Variants in NAV2 observed in about 807,000 individuals in gnomAD.
The protein encoded by NAV2 is helicase, APC down-regulated 1.
NAV2 carries 54 observed loss-of-function variants against 223.2 expected under a neutral mutation model. The observed-to-expected ratio is 0.24, with a 90% CI of 0.19 to 0.30. NAV2 has a LOEUF of 0.30. Ranked by LOEUF, NAV2 falls within the 10% of genes least tolerant of loss-of-function variation. NAV2 has a pLI of 1.00. For missense variants in NAV2, 2,806 were observed against 3,147.5 expected (o/e 0.89, Z 2.60); for synonymous variants, 1,279 against 1,239.3 (o/e 1.03, Z -0.67).
chr11:20,028,843 T>A lies in NAV2; in HGVS notation c.2769-7116T>A, dbSNP rs1476604785. 2.6e-5 allele frequency among the ~76,000 whole-genome samples: 4 copies of A among 152,196 alleles called. No homozygotes were observed. In the East Asian group the frequency reaches 7.7e-4, roughly 29 times the overall value. On this transcript the variant is annotated intron_variant, in intron 11 of 37. Transcript: ENST00000349880. ...CTTTGGATAAATAGCATGGTCTGGT[T>A]CAGACACTCTATTGTGAGTTGAGTT...
chr11:19,388,164 G>A (rs1157138659), intron 1 of NAV2, among the ~76,000 whole-genome samples: 2 of 152,176 alleles, frequency 1.3e-5, no homozygotes, highest in South Asian at 2.1e-4. Flanking sequence ...CGGGGTCAAG[G>A]GATTTTAGAA....
At chr11:19,953,618 C>T (rs796605411) in intron 10 of NAV2, among the ~76,000 whole-genome samples, 5 of 152,344 alleles carry the variant, frequency 3.3e-5, no homozygotes, top group East Asian at 1.9e-4. Context: ...TCACGTGTTT[C>T]TGGTAGTCTT....
chr11:19,588,162 C>T (rs144858059), intron 1 of NAV2, among the ~76,000 whole-genome samples: 4 of 152,326 alleles, frequency 2.6e-5, no homozygotes, highest in South Asian at 2.1e-4. Flanking sequence ...TCAACTATTT[C>T]GGGCCAGTTC....
At chr11:19,986,267 G>A (rs1340062275) in intron 11 of NAV2, among the ~76,000 whole-genome samples, 1 of 152,144 alleles carries the variant, frequency 6.6e-6, no homozygotes, top group Non-Finnish European at 1.5e-5. Context: ...TAAACCAAAT[G>A]GACAACAATG....
chr11:19,736,867 C>T (rs2052352731), intron 1 of NAV2, among the ~76,000 whole-genome samples: 1 of 152,236 alleles, frequency 6.6e-6, no homozygotes, highest in African/African-American at 2.4e-5. Context: ...ACAACCACCT[C>T]CCCTAGGTTA....
chr11:19,857,982 A>G (rs1330650693), intron 3 of NAV2, among the ~76,000 whole-genome samples: 1 of 152,040 alleles, frequency 6.6e-6, no homozygotes, highest in African/African-American at 2.4e-5. Context: ...TCAGCCTCCC[A>G]AGTCGCTGGG....
chr11:20,036,299 C>T (rs868268135), intron 12 of NAV2, among the ~76,000 whole-genome samples: 3 of 152,190 alleles, frequency 2.0e-5, no homozygotes, highest in Non-Finnish European at 2.9e-5. Context: ...ATGGTGGACA[C>T]GGGAGTAGGG....
intron 1 of NAV2, among the ~76,000 whole-genome samples, chr11:19,638,048 T>C (rs2047554435): frequency 6.6e-6 from 1 of 152,236 alleles, no homozygotes; most frequent in Non-Finnish European, 1.5e-5. Flanking sequence ...GAGGTATATA[T>C]TGATACGTCA....
At chr11:20,109,040 A>G (rs927375071) in intron 36 of NAV2, among the ~76,000 whole-genome samples, 2 of 152,174 alleles carry the variant, frequency 1.3e-5, no homozygotes, top group Admixed American at 6.5e-5. Flanking sequence ...ACTGGTGTGC[A>G]CCCACAGGCA....
chr11:20,044,453 G>A (rs1248439507), intron 13 of NAV2, among the ~76,000 whole-genome samples, 181 bp downstream of exon 13: 1 of 152,230 alleles, frequency 6.6e-6, no homozygotes, highest in Non-Finnish European at 1.5e-5. Flanking sequence ...AAGCATGGGA[G>A]CCTCTTAAGC....
chr11:19,591,127 C>T (rs1319549506), intron 1 of NAV2: 1 of 152,234 alleles, frequency 6.6e-6, no homozygotes, highest in East Asian at 1.9e-4. Context: ...GGTTGTGTTG[C>T]ATCCCATTTT....
chr11:19,839,900 C>T lies in NAV2; in HGVS notation c.386-2971C>T, dbSNP rs1026540928. Among the ~76,000 whole-genome samples the T allele has an allele frequency of 3.9e-5, 6 of 152,176 alleles. No individual in the cohort carries two copies. The South Asian group carries it at 8.3e-4, about 21-fold the overall frequency. ...TGCCAGTTTTAATCACAGATGAGGACTTTGGGGATAAGTGCCTTTGTTTCT... is the reference window on the plus strand; with the variant it reads ...TGCCAGTTTTAATCACAGATGAGGATTTTGGGGATAAGTGCCTTTGTTTCT... On this transcript the variant is annotated intron_variant, in intron 2 of 37. Coordinates refer to ENST00000349880, the MANE Select transcript of NAV2 (RefSeq NM_145117.5).
At chr11:19,709,057 G>A (rs1343605526), upstream of NAV2, among the ~76,000 whole-genome samples, 2 of 152,048 alleles carry the variant, frequency 1.3e-5, no homozygotes, top group African/African-American at 4.8e-5. Flanking sequence ...TGTTAACACA[G>A]TATCAGTGTG....
intron 1 of NAV2, among the ~76,000 whole-genome samples, chr11:19,399,396 C>T (rs1849594100): frequency 6.6e-6 from 1 of 152,214 alleles, no homozygotes; most frequent in Non-Finnish European, 1.5e-5. Flanking sequence ...TCCCACAAGT[C>T]AGAGATTGGA....
At chr11:19,656,465 G>T (rs115510167) in intron 1 of NAV2, among the ~76,000 whole-genome samples, 295 of 152,330 alleles carry the variant, frequency 1.9e-3, no homozygotes, top group African/African-American at 6.9e-3. Flanking sequence ...AGTGAGGGGG[G>T]AGAGGCACAG....
At chr11:19,865,586 A>G (rs2062043097) in intron 3 of NAV2, among the ~76,000 whole-genome samples, 1 of 152,204 alleles carries the variant, frequency 6.6e-6, no homozygotes, top group Non-Finnish European at 1.5e-5. Context: ...ATGGAATATT[A>G]TTAAAGAGTG....
At position 19,701,949 on chromosome 11, in the gene NAV2, A is replaced by G. The variant is rs140758449; in HGVS notation, c.76-130535A>G. ...TCTCTGTTTTGTTGACAGCTTTTAGACCATCCTTGAGCTCAGCCAAGGGGT... is the reference window on the plus strand; with the variant it reads ...TCTCTGTTTTGTTGACAGCTTTTAGGCCATCCTTGAGCTCAGCCAAGGGGT... On this transcript the variant is annotated intron_variant, in intron 1 of 37. Transcript: ENST00000360655. Among the ~76,000 whole-genome samples, 288 of 152,248 alleles carry G rather than the reference A, an allele frequency of 1.9e-3. 1 individual carries two copies. The highest frequency in any genetic ancestry group is 6.7e-3 in the African/African-American group (279 of 41,524).
chr11:19,389,294 G>A (rs1849158047), intron 1 of NAV2, among the ~76,000 whole-genome samples: 1 of 152,232 alleles, frequency 6.6e-6, no homozygotes, highest in Admixed American at 6.5e-5. Context: ...CCACAGGGAG[G>A]TAGAAGCCTT....
chr11:19,727,515 T>TG (rs2051353218), intron 1 of NAV2, among the ~76,000 whole-genome samples: 1 of 152,218 alleles, frequency 6.6e-6, no homozygotes, highest in African/African-American at 2.4e-5. Context: ...TCCATTGCCT[T>TG]GTCTAATGCT....
Sources: allele counts gnomAD v4.1 joint callset (sites outside exome capture counted in the v4.1 genomes callset), GRCh38; gene constraint gnomAD v4.1.1; transcripts MANE v1.5; gene names NCBI Gene and HGNC (gene_info 2026-07-23, HGNC 2026-07-21).